The following PHF24 variants were observed in gnomAD, a reference collection of about 807,000 sequenced individuals.
The protein encoded by PHF24 is PHD finger protein 24.
In PHF24, 25 loss-of-function variants were observed where a neutral mutation model predicts 42.6. The observed-to-expected ratio is 0.59, with a 90% CI of 0.43 to 0.82. The LOEUF is 0.82. PHF24 is among the 40% of genes least tolerant of loss of function. The pLI is 0.00. For missense variants in PHF24, 470 were observed against 538.1 expected (o/e 0.87, Z 1.25); for synonymous variants, 185 against 204.8 (o/e 0.90, Z 0.83).
the PHF24 span, chr9:34,690,270 T>C: frequency 2.5e-6 from 4 of 1,613,996 alleles, no homozygotes; most frequent in Non-Finnish European, 2.5e-6. Flanking sequence ...CCTCACGATG[T>C]ACCCAGGGAT....
chr9:34,728,708 T>C, the PHF24 span: 3 of 1,499,296 alleles, frequency 2.0e-6, no homozygotes, highest in Non-Finnish European at 2.7e-6. Context: ...TTCTTTCTCA[T>C]GTCCAAAATG....
chr9:34,689,748 C>T, the PHF24 span: 34 of 1,581,748 alleles, frequency 2.1e-5, no homozygotes, highest in Middle Eastern at 1.7e-4. The surrounding 1 kb of genome is among the most constrained non-coding windows in gnomAD (Gnocchi z 4.1). Context: ...TTCTGGTCCT[C>T]GGTTCCCCAG....
At chr9:34,856,790 G>C in the PHF24 span, among the ~76,000 whole-genome samples, 1 of 152,248 alleles carries the variant, frequency 6.6e-6, no homozygotes, top group Non-Finnish European at 1.5e-5. Context: ...GAAGCAGTCT[G>C]GCTGCCCCTT....
the PHF24 span, among the ~76,000 whole-genome samples, chr9:34,744,241 T>TG: frequency 1.3e-5 from 2 of 152,122 alleles, no homozygotes; most frequent in Non-Finnish European, 2.9e-5. Context: ...TGGTGGTCAG[T>TG]GGGGAACAAA....
At chr9:34,923,470 C>G in the PHF24 span, among the ~76,000 whole-genome samples, 1 of 152,104 alleles carries the variant, frequency 6.6e-6, no homozygotes, top group East Asian at 1.9e-4. Context: ...CTTTTCTTTG[C>G]TGGGAGACTT....
At chr9:34,890,729 C>G in the PHF24 span, among the ~76,000 whole-genome samples, 3 of 152,286 alleles carry the variant, frequency 2.0e-5, no homozygotes, top group African/African-American at 2.4e-5. Context: ...CCTGGATTCC[C>G]TTGTTTTTAT....
At chr9:34,794,829 G>A in the PHF24 span, among the ~76,000 whole-genome samples, 1 of 152,060 alleles carries the variant, frequency 6.6e-6, no homozygotes. Context: ...AGGGACATGT[G>A]GGGCAGTACC....
At chr9:34,901,780 A>G in the PHF24 span, among the ~76,000 whole-genome samples, 68 of 152,192 alleles carry the variant, frequency 4.5e-4, 1 homozygote, top group Admixed American at 3.1e-3. Context: ...ATTTGATGAT[A>G]TGAAGAAACT....
chr9:34,884,039 A>G, the PHF24 span, among the ~76,000 whole-genome samples: 4 of 152,250 alleles, frequency 2.6e-5, no homozygotes, highest in Admixed American at 6.5e-5. Flanking sequence ...GCAGTCATAA[A>G]AAAGGGTGAG....
At chr9:34,672,518 G>C in the PHF24 span, among the ~76,000 whole-genome samples, 1 of 152,154 alleles carries the variant, frequency 6.6e-6, no homozygotes, top group African/African-American at 2.4e-5. Context: ...TATGGAGGCT[G>C]AGAAGTCCAA....
chr9:34,733,103 T>C, the PHF24 span, among the ~76,000 whole-genome samples: 6 of 152,320 alleles, frequency 3.9e-5, no homozygotes, highest in Non-Finnish European at 7.4e-5. Flanking sequence ...TATTGCATAA[T>C]TGCCTACCAA....
the PHF24 span, among the ~76,000 whole-genome samples, chr9:34,781,616 TCAC>T: frequency 6.6e-6 from 1 of 152,066 alleles, no homozygotes; most frequent in African/African-American, 2.4e-5. Context: ...TTATCTATCA[TCAC>T]CACAACTTAA....
the PHF24 span, among the ~76,000 whole-genome samples, chr9:34,858,781 T>C: frequency 2.0e-5 from 3 of 152,256 alleles, no homozygotes; most frequent in Non-Finnish European, 4.4e-5. Flanking sequence ...GTAAGTCTAA[T>C]TCCTGTGCTT....
At chr9:34,770,069 C>T in the PHF24 span, among the ~76,000 whole-genome samples, 1 of 152,104 alleles carries the variant, frequency 6.6e-6, no homozygotes, top group African/African-American at 2.4e-5. Context: ...TATTCTACTA[C>T]ATAGAATAAA....
the PHF24 span, among the ~76,000 whole-genome samples, chr9:34,809,447 A>G: frequency 1.3e-5 from 2 of 152,134 alleles, no homozygotes; most frequent in Non-Finnish European, 2.9e-5. This position sits in a 1 kb window ranked among gnomAD's most constrained non-coding sequence, Gnocchi z 4.1. Flanking sequence ...AGTCTGAGGG[A>G]TGAGGTTGCT....
the PHF24 span, among the ~76,000 whole-genome samples, chr9:34,749,392 G>A: frequency 6.6e-6 from 1 of 152,022 alleles, no homozygotes; most frequent in Non-Finnish European, 1.5e-5. Context: ...ACCCAAAGAA[G>A]ACTACCTCAA....
At chr9:34,769,809 C>T in the PHF24 span, among the ~76,000 whole-genome samples, 1 of 152,112 alleles carries the variant, frequency 6.6e-6, no homozygotes, top group Non-Finnish European at 1.5e-5. Flanking sequence ...GTAGAATAAA[C>T]ATATATCTTT....
At chr9:34,887,698 T>A in the PHF24 span, among the ~76,000 whole-genome samples, 1 of 152,190 alleles carries the variant, frequency 6.6e-6, no homozygotes, top group African/African-American at 2.4e-5. Flanking sequence ...CCTTTTGAAG[T>A]CTTCTCTAAT....
chr9:34,909,493 C>T, the PHF24 span, among the ~76,000 whole-genome samples: 1 of 151,754 alleles, frequency 6.6e-6, no homozygotes, highest in Admixed American at 6.6e-5. Context: ...ATCACATTAT[C>T]TTGTATGCTT....
Sources: allele counts gnomAD v4.1 joint callset (sites outside exome capture counted in the v4.1 genomes callset), GRCh38; gene constraint gnomAD v4.1.1; non-coding constraint Gnocchi (gnomAD v3.1); transcripts MANE v1.5; gene names NCBI Gene and HGNC (gene_info 2026-07-23, HGNC 2026-07-21).